ASXL1: variants seen among roughly 807,000 people sequenced by gnomAD.
The protein encoded by ASXL1 is polycomb group protein ASXL1.
A neutral mutation model predicts 89.1 loss-of-function variants in ASXL1; 65 were observed. That is an observed-to-expected ratio of 0.73 (90% confidence interval 0.60 to 0.90). The LOEUF (loss-of-function observed/expected upper bound fraction) is 0.90, where lower values mean the gene tolerates loss of function less well. ASXL1 is among the 40% of genes least tolerant of loss of function. The probability of loss-of-function intolerance (pLI) is 0.00; values close to 1 mark genes in which losing one functional copy is unlikely to be tolerated. For missense variants in ASXL1, 1,786 were observed against 1,942.9 expected, an observed-to-expected ratio of 0.92 and a Z score of 1.52; for synonymous variants, 739 against 746.9, an observed-to-expected ratio of 0.99 and a Z score of 0.17.
intron 4 of ASXL1, among the ~76,000 whole-genome samples, chr20:32,409,167 G>T (rs1267683797): frequency 1.3e-5 from 2 of 151,864 alleles, no homozygotes; most frequent in Admixed American, 6.6e-5. Context: ...TAGAGACAGG[G>T]TTTCACCATG....
At position 32,431,472 on chromosome 20, in the gene ASXL1, A is replaced by G; in HGVS notation, c.870A>G (p.Glu290=). 6.2e-7 allele frequency: 1 copy of G among 1,614,110 alleles called. No individual in the cohort carries two copies. Residue 290 remains glutamate (E), a synonymous_variant, in exon 9 of 13, where the codon GAA becomes GAG. Transcript: ENST00000375687. ...AGCAGCTCCTCTTCCTCCTGCCTGA[A>G]GTAGACAGACAGGTGCACATGGGCA... ...FQQQLLFLLP[E]VDRQVGTDGL...
At chr20:32,376,036 C>T (rs527887866) in intron 4 of ASXL1, among the ~76,000 whole-genome samples, 10 of 152,046 alleles carry the variant, frequency 6.6e-5, no homozygotes, top group Admixed American at 6.6e-5. Context: ...TCGTTATTTC[C>T]GGAATCCTTT....
At chr20:32,365,942 A>G (rs1269823814) in intron 1 of ASXL1, among the ~76,000 whole-genome samples, 1 of 152,180 alleles carries the variant, frequency 6.6e-6, no homozygotes, top group Non-Finnish European at 1.5e-5. Flanking sequence ...CAGGAGTTCG[A>G]GACTAGCTCT....
Position 32,439,134 on chromosome 20 carries a change from G to A in ASXL1, c.*1796G>A, listed in dbSNP as rs973651081. 1.3e-5 allele frequency: 3 copies of A among 233,438 alleles called. No individual in the cohort carries two copies. The highest frequency in any genetic ancestry group is 1.8e-4 in the South Asian group (1 of 5,528). The allele number at this position is 233,438 out of a possible 1,614,324, so 14.5% of individuals were successfully genotyped here. On this transcript the variant is annotated 3_prime_UTR_variant, in exon 13 of 13. Coordinates refer to ENST00000375687, the MANE Select transcript of ASXL1 (RefSeq NM_015338.6). ...CCAAGTCCAAGTTGTCAACTTAAGC[G>A]TCTGTTTACCAAAGACCGGGAACAG...
chr20:32,425,702 G>C (rs1462047991), intron 4 of ASXL1, among the ~76,000 whole-genome samples: 1 of 151,480 alleles, frequency 6.6e-6, no homozygotes, highest in Non-Finnish European at 1.5e-5. Flanking sequence ...ATTTATATTT[G>C]TTCCCCCTCT....
In ASXL1 at chr20:32,358,745, C is replaced by T. The variant is rs2122754338; in HGVS notation, c.-31C>T. ...CAGCCCGCCCAGCCCGGAGGTCCCG[C>T]GTGGAGCTGCCGCCGCCGCCGGGGA... On this transcript the variant is annotated 5_prime_UTR_variant, in exon 1 of 13. Coordinates refer to ENST00000375687, the MANE Select transcript of ASXL1 (RefSeq NM_015338.6). 3.6e-6 allele frequency: 5 copies of T among 1,396,754 alleles called. No homozygotes were observed. Among genetic ancestry groups the T allele is most frequent in the Non-Finnish European group, 3.8e-6 (4 of 1,042,188 alleles). The allele number at this position is 1,396,754 out of a possible 1,614,324, so 86.5% of individuals were successfully genotyped here.
intron 4 of ASXL1, among the ~76,000 whole-genome samples, chr20:32,373,822 T>C (rs6141296): frequency 0.8 from 120,948 of 151,818 alleles, 48,514 homozygotes; most frequent in South Asian, 0.92. Context: ...GAGCCAAGAT[T>C]GCACCACTGC....
At chr20:32,385,102 T>C (rs1387782440) in intron 4 of ASXL1, among the ~76,000 whole-genome samples, 2 of 152,218 alleles carry the variant, frequency 1.3e-5, no homozygotes, top group Non-Finnish European at 2.9e-5. Context: ...CTAGCTTAGC[T>C]AAATCTGGAA....
intron 4 of ASXL1, among the ~76,000 whole-genome samples, chr20:32,373,031 C>T (rs2048325196): frequency 6.6e-6 from 1 of 150,868 alleles, no homozygotes; most frequent in African/African-American, 2.4e-5. Flanking sequence ...CCCACCTCAG[C>T]CTCCCAAAGT....
rs1052850755 is a variant in ASXL1 at position 32,380,882 on chromosome 20, A to G, written c.252+11759A>G. On this transcript the variant is annotated intron_variant, in intron 4 of 12. Coordinates refer to ENST00000375687, the MANE Select transcript of ASXL1 (RefSeq NM_015338.6). Reference sequence around the variant, plus strand: ...ATTTGAAAGGCATTTTTGACTTTTCATAGGTGTGTAGCAAGCAAAGTGGTC... The same window carrying G: ...ATTTGAAAGGCATTTTTGACTTTTCGTAGGTGTGTAGCAAGCAAAGTGGTC... Among the ~76,000 whole-genome samples the G allele has an allele frequency of 2.6e-5, 4 of 152,372 alleles. No homozygotes were observed. The South Asian group carries it at 6.2e-4, about 24-fold the overall frequency.
At chr20:32,395,395 C>T (rs952274362) in intron 4 of ASXL1, among the ~76,000 whole-genome samples, 5 of 152,058 alleles carry the variant, frequency 3.3e-5, no homozygotes, top group East Asian at 1.9e-4. Flanking sequence ...TGTTCTTCAG[C>T]GAGCAAATTT....
intron 1 of ASXL1, among the ~76,000 whole-genome samples, chr20:32,362,384 C>A (rs1025913979): frequency 6.6e-6 from 1 of 152,220 alleles, no homozygotes. Flanking sequence ...CGCCTGTAAT[C>A]CCAGCACTTT....
rs1186520358 is a variant in ASXL1 at position 32,438,391 on chromosome 20, T to C, written c.*1053T>C. On this transcript the variant is annotated 3_prime_UTR_variant, in exon 13 of 13. Coordinates refer to ENST00000375687, the MANE Select transcript of ASXL1 (RefSeq NM_015338.6). ...ATTTTACATCTTCAGCATCATTGCATTAAAGTGGTGTAATCTCCTTCTCTA... is the reference window on the plus strand; with the variant it reads ...ATTTTACATCTTCAGCATCATTGCACTAAAGTGGTGTAATCTCCTTCTCTA... The C allele has an allele frequency of 8.6e-6, 2 of 233,400 alleles. No homozygotes were observed. The highest frequency in any genetic ancestry group is 1.7e-5 in the Non-Finnish European group (2 of 117,970). The allele number at this position is 233,400 out of a possible 1,614,324, so 14.5% of individuals were successfully genotyped here.
chr20:32,360,540 C>G (rs1027910960), intron 1 of ASXL1: 3 of 152,438 alleles, frequency 2.0e-5, no homozygotes, highest in Non-Finnish European at 2.9e-5. Flanking sequence ...TGTTTATGAC[C>G]CTGGGCACCC....
Position 32,407,452 on chromosome 20 carries a change from G to A in ASXL1, c.253-20676G>A, listed in dbSNP as rs568345471. 4.6e-5 allele frequency among the ~76,000 whole-genome samples: 7 copies of A among 152,142 alleles called. No individual in the cohort carries two copies. The East Asian group carries it at 1.4e-3, about 29-fold the overall frequency. On this transcript the variant is annotated intron_variant, in intron 4 of 12. Coordinates refer to ENST00000375687, the MANE Select transcript of ASXL1 (RefSeq NM_015338.6). ...TGCAAATATTTTCTCCCAGTCTGTGGCCTGCCTTTTATTTCTTTTCTTTTT... is the reference window on the plus strand; with the variant it reads ...TGCAAATATTTTCTCCCAGTCTGTGACCTGCCTTTTATTTCTTTTCTTTTT...
At chr20:32,369,364 T>C (rs1010378210) in intron 4 of ASXL1, among the ~76,000 whole-genome samples, 1 of 152,028 alleles carries the variant, frequency 6.6e-6, no homozygotes, top group Non-Finnish European at 1.5e-5. Context: ...TTCTCCCACC[T>C]CAACCTCCCA....
chr20:32,368,109 C>T (rs540021301), intron 3 of ASXL1, among the ~76,000 whole-genome samples: 12 of 152,160 alleles, frequency 7.9e-5, no homozygotes, highest in African/African-American at 2.9e-4. Context: ...CTGAAAAATG[C>T]AAAGAGGCTT....
At chr20:32,417,712 A>G (rs2049162067) in intron 4 of ASXL1, among the ~76,000 whole-genome samples, 1 of 152,056 alleles carries the variant, frequency 6.6e-6, no homozygotes, top group Admixed American at 6.6e-5. Context: ...TTTAATAGGT[A>G]TGTGTAGGTT....
chr20:32,420,004 A>G (rs1246391804), intron 4 of ASXL1, among the ~76,000 whole-genome samples: 1 of 150,420 alleles, frequency 6.6e-6, no homozygotes, highest in Admixed American at 6.6e-5. Context: ...CTAATTGATG[A>G]TGTTAATTGG....
Sources: gnomAD v4.1 joint callset for allele counts (sites outside exome capture counted in the v4.1 genomes callset) on GRCh38, gnomAD v4.1.1 for gene constraint, MANE v1.5 for transcripts, NCBI Gene and HGNC (gene_info 2026-07-23, HGNC 2026-07-21) for gene names.